TUBB2A: variants seen among roughly 807,000 people sequenced by gnomAD.
The protein encoded by TUBB2A is tubulin beta 2A class IIa, also known as tubulin beta-2A chain.
In TUBB2A, 7 loss-of-function variants were observed where a neutral mutation model predicts 33.9. That is an observed-to-expected ratio of 0.21 (90% CI 0.12 to 0.39). TUBB2A has a LOEUF of 0.39. TUBB2A is among the 10% of genes least tolerant of loss of function. TUBB2A has a pLI of 1.00. For synonymous variants in TUBB2A, 187 were observed against 247.6 expected, an observed-to-expected ratio of 0.76 and a Z score of 2.30; for missense variants, 80 against 593.4, an observed-to-expected ratio of 0.13 and a Z score of 8.99.
rs1762607977 is a variant in TUBB2A at position 3,155,049 on chromosome 6, C to A, written c.278-126G>T. Reference sequence around the variant, plus strand: ...AGATTCTTCTCTTTTGAATACTCTTCTTTTACCTGAAGAAATATTTTTCTA... The same window carrying A: ...AGATTCTTCTCTTTTGAATACTCTTATTTTACCTGAAGAAATATTTTTCTA... On this transcript the variant is annotated intron_variant, in intron 3 of 3. Transcript: ENST00000333628. The surrounding 1 kb of genome is among the most constrained non-coding windows in gnomAD (Gnocchi z 4.2). 5.3e-6 allele frequency: 8 copies of A among 1,516,810 alleles called. No individual in the cohort carries two copies. In the East Asian group the frequency reaches 2.0e-4, roughly 37 times the overall value. 94.0% of individuals were successfully genotyped at this position (1,516,810 alleles called of 1,614,324 possible). A position where few individuals can be genotyped will look rare whatever the true frequency, so the allele number is the denominator to read the frequency against.
rs564185632 is a variant in TUBB2A, at chr6:3,154,892, C to T, written c.309G>A (p.Lys103=). 6.2e-7 allele frequency: 1 copy of T among 1,613,894 alleles called. No homozygotes were observed. Among genetic ancestry groups the T allele is most frequent in the South Asian group, 1.1e-5 (1 of 91,064 alleles). Residue 103 remains lysine, a synonymous_variant, in exon 4 of 4, where the codon AAG becomes AAA. Coordinates refer to ENST00000333628, the MANE Select transcript of TUBB2A (RefSeq NM_001069.3). ...GCTCGGCTCCCTCTGTGTAGTGGCC[C>T]TTGGCCCAGTTATTCCCGGCTCCAC... The part of the protein sequence containing the change: ...GQSGAGNNWA[K]GHYTEGAELV...
In TUBB2A at chr6:3,155,486, T is replaced by G. The variant is rs1762618130; in HGVS notation, c.277+139A>C. On this transcript the variant is annotated intron_variant, in intron 3 of 3. Transcript: ENST00000333628. This position sits in a 1 kb window ranked among gnomAD's most constrained non-coding sequence, Gnocchi z 4.2. ...CTGTGAGCCATGACCACCCATGGAC[T>G]GCATGGAGCTAGGCCAGGACTCAGG... 1 of 588,846 alleles carries G rather than the reference T, an allele frequency of 1.7e-6. No homozygotes were observed. The highest frequency in any genetic ancestry group is 2.9e-6 in the Non-Finnish European group (1 of 343,780). The allele number at this position is 588,846 out of a possible 1,614,324, so 36.5% of individuals were successfully genotyped here. A position where few individuals can be genotyped will look rare whatever the true frequency, so the allele number is the denominator to read the frequency against.
At position 3,154,667 on chromosome 6, in the gene TUBB2A, C is replaced by G. The variant is rs768100052; in HGVS notation, c.534G>C (p.Thr178=). The G allele has an allele frequency of 3.1e-6, 5 of 1,613,694 alleles. No individual in the cohort carries two copies. In the South Asian group the frequency reaches 5.5e-5, roughly 18 times the overall value. Residue 178 remains threonine, a synonymous_variant, in exon 4 of 4, where the codon ACG becomes ACC. Transcript: ENST00000333628. The part of the protein sequence containing the change: ...SVMPSPKVSD[T]VVEPYNATLS... Reference sequence around the variant, plus strand: ...GGGTGGCGTTGTAGGGCTCCACCACCGTGTCTGACACCTTGGGTGAGGGCA... The same window carrying G: ...GGGTGGCGTTGTAGGGCTCCACCACGGTGTCTGACACCTTGGGTGAGGGCA...
chr6:3,153,752 A>T lies in TUBB2A; in HGVS notation c.*111T>A. The T allele has an allele frequency of 6.7e-7, 1 of 1,491,980 alleles. No homozygotes were observed. The highest frequency in any genetic ancestry group is 9.1e-7 in the Non-Finnish European group (1 of 1,095,014). The allele number at this position is 1,491,980 out of a possible 1,614,324, so 92.4% of individuals were successfully genotyped here. A position where few individuals can be genotyped will look rare whatever the true frequency, so the allele number is the denominator to read the frequency against. ...AGGAGTTCCACATCATTACATCAAC[A>T]GTGTGAATTTCTAACAGAGGCAAAA... On this transcript the variant is annotated 3_prime_UTR_variant, in exon 4 of 4. Coordinates refer to ENST00000333628, the MANE Select transcript of TUBB2A (RefSeq NM_001069.3).
At position 3,154,942 on chromosome 6, in the gene TUBB2A, A is replaced by G. The variant is rs1173393748; in HGVS notation, c.278-19T>C. The G allele has an allele frequency of 6.2e-7, 1 of 1,613,822 alleles. No individual in the cohort carries two copies. Among genetic ancestry groups the G allele is most frequent in the Non-Finnish European group, 8.5e-7 (1 of 1,179,980 alleles). On this transcript the variant is annotated intron_variant, in intron 3 of 3. Transcript: ENST00000333628. ...CTCTGGCCTGCCAGAGGGAAAGTGAACATTAGACACTAAAACATAAGGAAT... is the reference window on the plus strand; with the variant it reads ...CTCTGGCCTGCCAGAGGGAAAGTGAGCATTAGACACTAAAACATAAGGAAT...
In TUBB2A at chr6:3,153,668, T is replaced by G; in HGVS notation, c.*195A>C. The G allele has an allele frequency of 1.1e-6, 1 of 886,418 alleles. No individual in the cohort carries two copies. Among genetic ancestry groups the G allele is most frequent in the Non-Finnish European group, 1.7e-6 (1 of 594,604 alleles). 54.9% of individuals were successfully genotyped at this position (886,418 alleles called of 1,614,324 possible). On this transcript the variant is annotated 3_prime_UTR_variant, in exon 4 of 4. Transcript: ENST00000333628. ...AAGTGAGAACACAGACCACAAGGTT[T>G]TCTACACATGCTTTTTTATTAGTAT...
At position 3,155,161 on chromosome 6, in the gene TUBB2A, A is replaced by G. The variant is rs370329801; in HGVS notation, c.278-238T>C. 6 of 1,184,020 alleles carry G rather than the reference A, an allele frequency of 5.1e-6. No individual in the cohort carries two copies. The highest frequency in any genetic ancestry group is 2.9e-5 in the Admixed American group (1 of 34,708). 73.3% of individuals were successfully genotyped at this position (1,184,020 alleles called of 1,614,324 possible). A position where few individuals can be genotyped will look rare whatever the true frequency, so the allele number is the denominator to read the frequency against. ...GAGGCTATTGATTGAGGAAGAGGAT[A>G]GGGTTAGAAAACTTAATTGGTTCTG... On this transcript the variant is annotated intron_variant, in intron 3 of 3. Transcript: ENST00000333628. This position sits in a 1 kb window ranked among gnomAD's most constrained non-coding sequence, Gnocchi z 4.2.
Position 3,155,139 on chromosome 6 carries a change from G to T in TUBB2A, c.278-216C>A, listed in dbSNP as rs1258116002. The T allele has an allele frequency of 3.1e-6, 4 of 1,302,888 alleles. No homozygotes were observed. Among genetic ancestry groups the T allele is most frequent in the Admixed American group, 5.6e-5 (2 of 35,532 alleles). The allele number at this position is 1,302,888 out of a possible 1,614,324, so 80.7% of individuals were successfully genotyped here. A position where few individuals can be genotyped will look rare whatever the true frequency, so the allele number is the denominator to read the frequency against. On this transcript the variant is annotated intron_variant, in intron 3 of 3. Coordinates refer to ENST00000333628, the MANE Select transcript of TUBB2A (RefSeq NM_001069.3). The surrounding 1 kb of genome is among the most constrained non-coding windows in gnomAD (Gnocchi z 4.2). ...AAGAAGTAAGTTTAGCTCATCTGAG[G>T]CTATTGATTGAGGAAGAGGATAGGG...
At chr6:3,157,100 G>A (rs1762649879) in intron 1 of TUBB2A, among the ~76,000 whole-genome samples, 1 of 152,234 alleles carries the variant, frequency 6.6e-6, no homozygotes, top group Non-Finnish European at 1.5e-5. Context: ...CATGAAGCTA[G>A]CGCAATAAAT....
At position 3,153,989 on chromosome 6, in the gene TUBB2A, G is replaced by A. The variant is rs745518154; in HGVS notation, c.1212C>T (p.Asp404=). 1.4e-5 allele frequency: 22 copies of A among 1,606,202 alleles called. No individual in the cohort carries two copies. Among genetic ancestry groups the A allele is most frequent in the Admixed American group, 3.4e-5 (2 of 59,094 alleles). The change falls in exon 4 of 4, where the codon GAC becomes GAT. Residue 404 remains aspartate, a synonymous_variant. Coordinates refer to ENST00000333628, the MANE Select transcript of TUBB2A (RefSeq NM_001069.3). ...FLHWYTGEGM[D]EMEFTEAESN... ...TCTCGGCCTCGGTGAACTCCATCTC[G>A]TCCATGCCCTCGCCCGTGTACCAGT...
chr6:3,157,502 C>A lies in TUBB2A; in HGVS notation c.-39G>T. The A allele has an allele frequency of 6.8e-7, 1 of 1,473,918 alleles. No individual in the cohort carries two copies. The highest frequency in any genetic ancestry group is 9.0e-7 in the Non-Finnish European group (1 of 1,116,604). 91.3% of individuals were successfully genotyped at this position (1,473,918 alleles called of 1,614,324 possible). ...GAGCGGGTGGCGCTGGCCCTCGGAG[C>A]GGTGCGCGGCGTGGACCGGCGGGCT... On this transcript the variant is annotated 5_prime_UTR_variant, in exon 1 of 4. Transcript: ENST00000333628.
chr6:3,156,684 G>A (rs1001759317), intron 1 of TUBB2A, among the ~76,000 whole-genome samples: 1 of 152,284 alleles, frequency 6.6e-6, no homozygotes, highest in Admixed American at 6.5e-5. Flanking sequence ...GGCAGCAGGA[G>A]CCTGGGAGGG....
In TUBB2A at chr6:3,157,458, G is replaced by C. The variant is rs1394619110; in HGVS notation, c.6C>G (p.Arg2=). The C allele has an allele frequency of 6.5e-7, 1 of 1,539,806 alleles. No individual in the cohort carries two copies. The highest frequency in any genetic ancestry group is 8.7e-7 in the Non-Finnish European group (1 of 1,149,674). M[R]EIVHIQAGQC... The stretch of plus-strand genomic sequence containing the variant: ...GGCCCGCCTGGATGTGCACGATCTC[G>C]CGCATGGTGCCGGCTGCGGAGCGGG... The change falls in exon 1 of 4, where the codon CGC becomes CGG. Residue 2 remains arginine (R), a synonymous_variant. Transcript: ENST00000333628.
rs1762658120 is a variant in TUBB2A at position 3,157,516 on chromosome 6, G to C, written c.-53C>G. 6.9e-7 allele frequency: 1 copy of C among 1,446,686 alleles called. No individual in the cohort carries two copies. Among genetic ancestry groups the C allele is most frequent in the South Asian group, 1.4e-5 (1 of 73,682 alleles). The allele number at this position is 1,446,686 out of a possible 1,614,324, so 89.6% of individuals were successfully genotyped here. On this transcript the variant is annotated 5_prime_UTR_variant, in exon 1 of 4. Coordinates refer to ENST00000333628, the MANE Select transcript of TUBB2A (RefSeq NM_001069.3). Reference sequence around the variant, plus strand: ...GGCCCTCGGAGCGGTGCGCGGCGTGGACCGGCGGGCTGGGCTGCGCAGAGA... The same window carrying C: ...GGCCCTCGGAGCGGTGCGCGGCGTGCACCGGCGGGCTGGGCTGCGCAGAGA...
chr6:3,157,271 C>T lies in TUBB2A; in HGVS notation c.57+136G>A, dbSNP rs577729273. On this transcript the variant is annotated intron_variant, in intron 1 of 3. Coordinates refer to ENST00000333628, the MANE Select transcript of TUBB2A (RefSeq NM_001069.3). ...CATCCTGGCGGGTCATGCAGCCTCCCGGACCCCGCCCGGCGGCCTCGCCGC... is the reference window on the plus strand; with the variant it reads ...CATCCTGGCGGGTCATGCAGCCTCCTGGACCCCGCCCGGCGGCCTCGCCGC... 3.8e-6 allele frequency: 4 copies of T among 1,065,874 alleles called. No homozygotes were observed. In the African/African-American group the frequency reaches 5.0e-5, roughly 13 times the overall value. The allele number at this position is 1,065,874 out of a possible 1,614,324, so 66.0% of individuals were successfully genotyped here. A position where few individuals can be genotyped will look rare whatever the true frequency, so the allele number is the denominator to read the frequency against.
In TUBB2A at chr6:3,155,112, G is replaced by A. The variant is rs1762609757; in HGVS notation, c.278-189C>T. ...CAAAAACACTGGGGATCATAATAAA[G>A]TAAGAAGTAAGTTTAGCTCATCTGA... On this transcript the variant is annotated intron_variant, in intron 3 of 3. Transcript: ENST00000333628. The surrounding 1 kb of genome is among the most constrained non-coding windows in gnomAD (Gnocchi z 4.2). 7.0e-7 allele frequency: 1 copy of A among 1,425,998 alleles called. No individual in the cohort carries two copies. The highest frequency in any genetic ancestry group is 2.5e-5 in the East Asian group (1 of 39,986). The allele number at this position is 1,425,998 out of a possible 1,614,324, so 88.3% of individuals were successfully genotyped here.
In TUBB2A at chr6:3,155,624, C is replaced by T. The variant is rs767138501; in HGVS notation, c.277+1G>A. On this transcript the variant is annotated splice_donor_variant, in intron 3 of 3. Transcript: ENST00000333628. LOFTEE classifies it high-confidence loss of function. This position sits in a 1 kb window ranked among gnomAD's most constrained non-coding sequence, Gnocchi z 4.2. ...AGTTCCCAGTGATCATGACTACATA[C>T]CGAACACGAAGTTGTCTGGTCTGAA... is the stretch of plus-strand genomic sequence containing the variant. 6.2e-7 allele frequency: 1 copy of T among 1,611,004 alleles called. No individual in the cohort carries two copies. Among genetic ancestry groups the T allele is most frequent in the Admixed American group, 1.7e-5 (1 of 59,596 alleles).
Position 3,155,105 on chromosome 6 carries a change from T to C in TUBB2A, c.278-182A>G, listed in dbSNP as rs1762609514. The C allele has an allele frequency of 2.8e-6, 4 of 1,441,600 alleles. No homozygotes were observed. The highest frequency in any genetic ancestry group is 1.8e-6 in the Non-Finnish European group (2 of 1,087,970). The allele number at this position is 1,441,600 out of a possible 1,614,324, so 89.3% of individuals were successfully genotyped here. On this transcript the variant is annotated intron_variant, in intron 3 of 3. Transcript: ENST00000333628. This position sits in a 1 kb window ranked among gnomAD's most constrained non-coding sequence, Gnocchi z 4.2. ...GTGACCTCAAAAACACTGGGGATCA[T>C]AATAAAGTAAGAAGTAAGTTTAGCT...
rs777062028 is a variant in TUBB2A, at chr6:3,153,861, T to A, written c.*2A>T. ...AGGATGCACGATTGATCTGAGAAGT[T>A]TTTAAGCCTCGTCCTCGCCCTCCTC... On this transcript the variant is annotated 3_prime_UTR_variant, in exon 4 of 4. Coordinates refer to ENST00000333628, the MANE Select transcript of TUBB2A (RefSeq NM_001069.3). 43 of 1,613,986 alleles carry A rather than the reference T, an allele frequency of 2.7e-5. No homozygotes were observed. Among genetic ancestry groups the A allele is most frequent in the Non-Finnish European group, 3.6e-5 (43 of 1,179,986 alleles).
Sources: gnomAD v4.1 joint callset for allele counts (sites outside exome capture counted in the v4.1 genomes callset) on GRCh38, gnomAD v4.1.1 for gene constraint, Gnocchi (gnomAD v3.1) non-coding constraint, MANE v1.5 for transcripts, NCBI Gene and HGNC (gene_info 2026-07-23, HGNC 2026-07-21) for gene names.